The following DICER1 variants were observed in gnomAD, a reference collection of about 807,000 sequenced individuals.
The protein encoded by DICER1 is dicer 1, ribonuclease III.
A neutral mutation model predicts 194.1 loss-of-function variants in DICER1; 43 were observed. That is an observed-to-expected ratio of 0.22 (90% CI 0.17 to 0.29). The LOEUF (loss-of-function observed/expected upper bound fraction) is 0.29. Ranked by LOEUF, DICER1 falls within the 10% of genes least tolerant of loss-of-function variation. The pLI, the probability that DICER1 is intolerant of heterozygous loss-of-function variation, is 1.00. For synonymous variants in DICER1, 832 were observed against 820.5 expected (o/e 1.01, Z -0.24); for missense variants, 1,608 against 2,317.0 (o/e 0.69, Z 6.28).
At position 95,096,179 on chromosome 14, in the gene DICER1, G is replaced by A. The variant is rs1595339827; in HGVS notation, c.4741C>T (p.Leu1581Phe). ...TTCAGCCCCAGTGAACAGAGGAAAAGCTGAGCAGCCCTCTCCCCACAGCTG... is the reference window on the plus strand; with the variant it reads ...TTCAGCCCCAGTGAACAGAGGAAAAACTGAGCAGCCCTCTCCCCACAGCTG... ...LTSCGERAAQLFLCSLGLKVL... is the reference protein window; with the variant it reads ...LTSCGERAAQFFLCSLGLKVL... Residue 1581 changes from leucine (L) to phenylalanine (F), a missense_variant, in exon 23 of 27, where the codon CTT becomes TTT. Physicochemically the swap from Leu to Phe is conservative, Grantham distance 22 (BLOSUM62 0). Around this residue, in one of 10 missense-constraint regions of DICER1, gnomAD observed 125 missense variants for 134.9 expected, o/e 0.93. Transcript: ENST00000343455. 4 of 1,614,214 alleles carry A rather than the reference G, an allele frequency of 2.5e-6. No individual in the cohort carries two copies. The highest frequency in any genetic ancestry group is 3.4e-6 in the Non-Finnish European group (4 of 1,180,032).
At position 95,105,978 on chromosome 14, in the gene DICER1, T is replaced by C; in HGVS notation, c.2987+63A>G. On this transcript the variant is annotated intron_variant, in intron 18 of 26. Transcript: ENST00000343455. The surrounding 1 kb of genome is among the most constrained non-coding windows in gnomAD (Gnocchi z 4.9). Reference sequence around the variant, plus strand: ...CAGGGGGACAGTGAACCTCTGCATGTCTAGTGATGTCTGGTAAGAATCCCT... The same window carrying C: ...CAGGGGGACAGTGAACCTCTGCATGCCTAGTGATGTCTGGTAAGAATCCCT... The C allele has an allele frequency of 6.4e-7, 1 of 1,560,130 alleles. No homozygotes were observed. Among genetic ancestry groups the C allele is most frequent in the Non-Finnish European group, 8.8e-7 (1 of 1,131,296 alleles).
At chr14:95,111,063 T>C (rs1891909760) in intron 14 of DICER1, among the ~76,000 whole-genome samples, 1 of 152,152 alleles carries the variant, frequency 6.6e-6, no homozygotes, top group Admixed American at 6.5e-5. Context: ...GGATAGAATA[T>C]GACAGATGGG....
intron 1 of DICER1, among the ~76,000 whole-genome samples, chr14:95,142,591 A>ATT (rs909977029): frequency 3.9e-5 from 6 of 152,226 alleles, no homozygotes; most frequent in African/African-American, 1.4e-4. Context: ...CATTATTTCC[A>ATT]TTGATAATTC....
At chr14:95,129,434 C>T (rs1595456382) in intron 6 of DICER1, 38 bp downstream of exon 6, 1 of 1,602,652 alleles carries the variant, frequency 6.2e-7, no homozygotes. Context: ...TTGTTTTCAA[C>T]TAATCTCATT....
intron 10 of DICER1, 143 bp from the exon 11 acceptor site, chr14:95,115,964 G>T: frequency 3.8e-6 from 3 of 795,970 alleles, no homozygotes; most frequent in Middle Eastern, 6.6e-4. Context: ...GTAACCTGCT[G>T]CAGACACCTT....
chr14:95,145,094 C>G (rs149272803), intron 1 of DICER1, among the ~76,000 whole-genome samples: 105 of 152,314 alleles, frequency 6.9e-4, no homozygotes, highest in African/African-American at 2.5e-3. Context: ...ATATGAGCCT[C>G]TAAATCTAAG....
chr14:95,155,373 G>A (rs779225444), intron 1 of DICER1, among the ~76,000 whole-genome samples: 3 of 152,190 alleles, frequency 2.0e-5, no homozygotes, highest in Non-Finnish European at 4.4e-5. Context: ...ATGTCAGATA[G>A]TGGTAGAGAA....
Position 95,116,495 on chromosome 14 carries a change from T to C in DICER1, c.1710A>G (p.Lys570=), listed in dbSNP as rs1362064930. ...YIMLADTDKI[K]SFEEDLKTYK... is the part of the protein sequence containing the mutation. ...AGGTTTTAAGGTCTTCTTCAAAACT[T>C]TTTATTTTGTCTGTATCCGCTAACA... Residue 570 remains lysine (K), a synonymous_variant, in exon 10 of 27, where the codon AAA becomes AAG. Transcript: ENST00000343455. 6.2e-7 allele frequency: 1 copy of C among 1,613,664 alleles called. No homozygotes were observed. The highest frequency in any genetic ancestry group is 8.5e-7 in the Non-Finnish European group (1 of 1,179,920).
At position 95,090,414 on chromosome 14, in the gene DICER1, C is replaced by T. The variant is rs1889686052; in HGVS notation, c.*84G>A. ...TTCAATTCATTCCACTCACTAACAA[C>T]TTTAAGTCTTCCTTTCCGATTTAAA... On this transcript the variant is annotated 3_prime_UTR_variant, in exon 27 of 27. Coordinates refer to ENST00000343455, the MANE Select transcript of DICER1 (RefSeq NM_177438.3). The T allele has an allele frequency of 2.0e-6, 3 of 1,508,632 alleles. No homozygotes were observed. Among genetic ancestry groups the T allele is most frequent in the African/African-American group, 2.8e-5 (2 of 72,650 alleles). 93.5% of individuals were successfully genotyped at this position (1,508,632 alleles called of 1,614,324 possible).
intron 22 of DICER1, among the ~76,000 whole-genome samples, chr14:95,099,306 T>C (rs147303638): frequency 1.7e-3 from 262 of 152,270 alleles, no homozygotes; most frequent in African/African-American, 5.9e-3. Context: ...GGATGATTTT[T>C]TTTTTTTAAG....
At chr14:95,144,485 T>A (rs1895011461) in intron 1 of DICER1, among the ~76,000 whole-genome samples, 2 of 152,144 alleles carry the variant, frequency 1.3e-5, no homozygotes, top group South Asian at 4.1e-4. Flanking sequence ...GATCTTAAAC[T>A]TAGTAGAGAG....
At chr14:95,153,983 C>G (rs1270712844) in intron 1 of DICER1, among the ~76,000 whole-genome samples, 1 of 152,198 alleles carries the variant, frequency 6.6e-6, no homozygotes, top group African/African-American at 2.4e-5. Context: ...ATACACTGGG[C>G]TTTCAGGATG....
intron 15 of DICER1, 69 bp downstream of exon 15, chr14:95,108,255 T>C (rs944489347): frequency 1.4e-6 from 2 of 1,432,146 alleles, no homozygotes; most frequent in Non-Finnish European, 2.0e-6. Context: ...TACTTACTAC[T>C]AGTTTTTTTT....
intron 1 of DICER1, chr14:95,134,324 T>C (rs776511135): frequency 6.6e-6 from 1 of 152,244 alleles, no homozygotes; most frequent in Non-Finnish European, 1.5e-5. Flanking sequence ...AATTTGATTA[T>C]GTAAAATGAT....
At chr14:95,146,248 C>G (rs7157444) in intron 1 of DICER1, among the ~76,000 whole-genome samples, 3,569 of 152,282 alleles carry the variant, frequency 0.023, 130 homozygotes, top group African/African-American at 0.081. Context: ...ATCCAGGGAC[C>G]GGATTGAGAA....
chr14:95,156,868 C>T (rs572620722), intron 1 of DICER1, among the ~76,000 whole-genome samples: 170 of 152,256 alleles, frequency 1.1e-3, no homozygotes, highest in African/African-American at 3.9e-3. Context: ...CCCGCGCCAC[C>T]TTAGCGCGCG....
chr14:95,105,258 G>A lies in DICER1; in HGVS notation c.3094-12C>T, dbSNP rs1891311661. The A allele has an allele frequency of 1.2e-6, 2 of 1,611,330 alleles. No individual in the cohort carries two copies. Among genetic ancestry groups the A allele is most frequent in the Non-Finnish European group, 1.7e-6 (2 of 1,178,126 alleles). On this transcript the variant is annotated splice_polypyrimidine_tract_variant and intron_variant, in intron 19 of 26. Transcript: ENST00000343455. This position sits in a 1 kb window ranked among gnomAD's most constrained non-coding sequence, Gnocchi z 4.9. ...TCTGGAACCAGTATCTTCAAGTAAG[G>A]GGAAAAATGGACAGATAAATACAAA...
intron 6 of DICER1, 127 bp downstream of exon 6, chr14:95,129,345 C>T: frequency 1.2e-6 from 1 of 842,838 alleles, no homozygotes. Flanking sequence ...CTTACTCTTG[C>T]CCATTCCTTT....
chr14:95,154,530 A>C (rs1303799784), intron 1 of DICER1, among the ~76,000 whole-genome samples: 1 of 152,232 alleles, frequency 6.6e-6, no homozygotes, highest in African/African-American at 2.4e-5. Flanking sequence ...AGCTTTTCCA[A>C]GGAAGGGAAT....
Sources: allele counts gnomAD v4.1 joint callset (sites outside exome capture counted in the v4.1 genomes callset), GRCh38; gene constraint gnomAD v4.1.1; regional missense constraint gnomAD v4.1.1; non-coding constraint Gnocchi (gnomAD v3.1); transcripts MANE v1.5; gene names NCBI Gene and HGNC (gene_info 2026-07-23, HGNC 2026-07-21).